The following FARS2 variants were observed in gnomAD, a reference collection of about 807,000 sequenced individuals.
FARS2 encodes the protein phenylalanyl-tRNA synthetase 2, mitochondrial, also known as phenylalanine--tRNA ligase, mitochondrial.
FARS2 carries 40 observed loss-of-function variants against 46.4 expected under a neutral mutation model. The ratio of observed to expected loss-of-function variants is 0.86; its 90% CI spans 0.67 to 1.12. The LOEUF is 1.12. FARS2 is among the 50% of genes most tolerant of loss of function. FARS2 has a pLI of 0.00. For synonymous variants in FARS2, 234 were observed against 214.9 expected (o/e 1.09, Z -0.78); for missense variants, 513 against 567.9 (o/e 0.90, Z 0.98).
At chr6:5,538,484 C>T (rs1031081875) in intron 4 of FARS2, among the ~76,000 whole-genome samples, 9 of 152,018 alleles carry the variant, frequency 5.9e-5, no homozygotes, top group South Asian at 2.1e-4. Context: ...CTCTAAGCTC[C>T]GATGGGGCCA....
intron 2 of FARS2, among the ~76,000 whole-genome samples, chr6:5,380,720 G>A (rs1177440673): frequency 1.3e-5 from 2 of 152,044 alleles, no homozygotes; most frequent in Admixed American, 1.3e-4. Context: ...CCCTGTACTG[G>A]GTACTTTCAT....
intron 1 of FARS2, among the ~76,000 whole-genome samples, chr6:5,337,959 G>A (rs1446932748): frequency 6.6e-6 from 1 of 152,126 alleles, no homozygotes; most frequent in Non-Finnish European, 1.5e-5. Context: ...CATATTTTTG[G>A]TAGAACAATT....
rs1167034649 is a variant in FARS2, at chr6:5,343,497, C to G, written c.-21-25053C>G. On this transcript the variant is annotated intron_variant, in intron 1 of 6. Coordinates refer to ENST00000274680, the MANE Select transcript of FARS2 (RefSeq NM_006567.5). The surrounding 1 kb of genome is among the most constrained non-coding windows in gnomAD (Gnocchi z 4.5). ...AAAGTGCTGGGATTACAGGCGTGAA[C>G]CACCGCGCCTGGCCTACATTTCAGT... Among the ~76,000 whole-genome samples, 1 of 152,136 alleles carries G rather than the reference C, an allele frequency of 6.6e-6. No homozygotes were observed. The highest frequency in any genetic ancestry group is 2.4e-5 in the African/African-American group (1 of 41,432).
chr6:5,405,053 T>C (rs1174081183), intron 3 of FARS2, among the ~76,000 whole-genome samples: 1 of 152,064 alleles, frequency 6.6e-6, no homozygotes, highest in Non-Finnish European at 1.5e-5. Context: ...CACCTCGGCC[T>C]CCCAAAGTGT....
At chr6:5,352,299 T>G (rs1266539050) in intron 1 of FARS2, among the ~76,000 whole-genome samples, 1 of 151,938 alleles carries the variant, frequency 6.6e-6, no homozygotes, top group Non-Finnish European at 1.5e-5. Context: ...TGAAGTTCAC[T>G]TTGATTTCTG....
At chr6:5,481,942 G>C (rs911646208) in intron 4 of FARS2, among the ~76,000 whole-genome samples, 6 of 152,284 alleles carry the variant, frequency 3.9e-5, no homozygotes, top group Admixed American at 2.6e-4. Context: ...GACTGTCCTC[G>C]TAAGTTCCTT....
At chr6:5,643,489 G>A (rs1036249205) in intron 6 of FARS2, among the ~76,000 whole-genome samples, 9 of 152,180 alleles carry the variant, frequency 5.9e-5, no homozygotes, top group African/African-American at 1.4e-4. Flanking sequence ...GAGTGATGCC[G>A]ACATTCGTTC....
At chr6:5,472,344 G>A (rs1194600396) in intron 4 of FARS2, among the ~76,000 whole-genome samples, 4 of 152,176 alleles carry the variant, frequency 2.6e-5, no homozygotes, top group African/African-American at 9.7e-5. Flanking sequence ...TGGACAATGT[G>A]ATTAAATCCA....
intron 4 of FARS2, among the ~76,000 whole-genome samples, chr6:5,473,965 C>A (rs1029834817): frequency 5.9e-5 from 9 of 152,182 alleles, no homozygotes; most frequent in Admixed American, 1.3e-4. Flanking sequence ...CTCCAGAAAC[C>A]CAGTCTATCC....
At chr6:5,470,881 A>G (rs1761248416) in intron 4 of FARS2, among the ~76,000 whole-genome samples, 1 of 152,222 alleles carries the variant, frequency 6.6e-6, no homozygotes, top group Non-Finnish European at 1.5e-5. Context: ...TGTTCATGAT[A>G]CAAAATTGAG....
At chr6:5,509,408 G>A (rs1768294270) in intron 4 of FARS2, among the ~76,000 whole-genome samples, 1 of 152,222 alleles carries the variant, frequency 6.6e-6, no homozygotes, top group Non-Finnish European at 1.5e-5. Context: ...TTTACACCAC[G>A]TAGCTGATGA....
intron 1 of FARS2, among the ~76,000 whole-genome samples, chr6:5,323,974 T>TGC (rs1319766165): frequency 2.0e-4 from 31 of 152,186 alleles, no homozygotes; most frequent in African/African-American, 6.5e-4. Context: ...GCCCCCAAGA[T>TGC]AACTTCCCCT....
chr6:5,614,594 G>A (rs1308428475), intron 6 of FARS2, among the ~76,000 whole-genome samples: 1 of 152,096 alleles, frequency 6.6e-6, no homozygotes, highest in Admixed American at 6.5e-5. Context: ...GTATTTTTTA[G>A]TAGAGACAGG....
intron 4 of FARS2, among the ~76,000 whole-genome samples, chr6:5,487,844 G>T (rs1416056388): frequency 1.3e-5 from 2 of 152,048 alleles, no homozygotes; most frequent in African/African-American, 2.4e-5. Flanking sequence ...GGCTTTACTT[G>T]CTTACGTCAC....
chr6:5,345,114 T>C (rs1757145784), intron 1 of FARS2, among the ~76,000 whole-genome samples: 1 of 151,916 alleles, frequency 6.6e-6, no homozygotes, highest in Non-Finnish European at 1.5e-5. Context: ...TTCTATAATG[T>C]AATATTGATC....
chr6:5,290,858 C>T (rs113314803), intron 1 of FARS2, among the ~76,000 whole-genome samples: 53 of 152,254 alleles, frequency 3.5e-4, no homozygotes, highest in African/African-American at 1.2e-3. Flanking sequence ...TAACTGGGAT[C>T]ACAGGCACAC....
chr6:5,694,077 A>G (rs1007625280), intron 6 of FARS2, among the ~76,000 whole-genome samples: 1 of 152,210 alleles, frequency 6.6e-6, no homozygotes, highest in Non-Finnish European at 1.5e-5. Context: ...GGATGATAGC[A>G]TTGCTGCTGT....
chr6:5,290,869 A>G (rs1767454834), intron 1 of FARS2, among the ~76,000 whole-genome samples: 1 of 152,046 alleles, frequency 6.6e-6, no homozygotes, highest in Non-Finnish European at 1.5e-5. Context: ...ACAGGCACAC[A>G]CCACCATGCC....
At chr6:5,462,020 C>T (rs911209607) in intron 4 of FARS2, among the ~76,000 whole-genome samples, 1 of 152,182 alleles carries the variant, frequency 6.6e-6, no homozygotes, top group Non-Finnish European at 1.5e-5. Flanking sequence ...AGTGACCGTA[C>T]ATGAGCAATA....
Sources: gnomAD v4.1 joint callset for allele counts (sites outside exome capture counted in the v4.1 genomes callset) on GRCh38, gnomAD v4.1.1 for gene constraint, Gnocchi (gnomAD v3.1) non-coding constraint, MANE v1.5 for transcripts, NCBI Gene and HGNC (gene_info 2026-07-23, HGNC 2026-07-21) for gene names.